Variants in HRH2 observed in about 807,000 individuals in gnomAD.
The protein encoded by HRH2 is histamine H2 receptor.
In HRH2, 4 loss-of-function variants were observed where a neutral mutation model predicts 20.1. The observed-to-expected ratio is 0.20, with a 90% CI of 0.10 to 0.45. The LOEUF (loss-of-function observed/expected upper bound fraction) is 0.45. HRH2 is among the 20% of genes least tolerant of loss of function. The pLI is 0.99. For synonymous variants in HRH2, 197 were observed against 200.7 expected, an observed-to-expected ratio of 0.98 and a Z score of 0.16; for missense variants, 250 against 461.6, an observed-to-expected ratio of 0.54 and a Z score of 4.20.
chr5:175,662,998 G>A (rs532190896), intron 1 of HRH2, among the ~76,000 whole-genome samples: 17 of 152,290 alleles, frequency 1.1e-4, no homozygotes, highest in Admixed American at 7.2e-4. Context: ...ATGTATCAGC[G>A]CTTCATGCCT....
intron 2 of HRH2, among the ~76,000 whole-genome samples, chr5:175,690,406 A>G (rs1021056390): frequency 3.3e-5 from 5 of 152,174 alleles, no homozygotes; most frequent in African/African-American, 1.2e-4. Context: ...GATAATCATC[A>G]GGCTTCCACG....
intron 1 of HRH2, among the ~76,000 whole-genome samples, chr5:175,672,448 C>T (rs570029116): frequency 6.6e-6 from 1 of 152,334 alleles, no homozygotes; most frequent in East Asian, 1.9e-4. Flanking sequence ...AGTCACAAAA[C>T]ATCATAAACC....
chr5:175,675,983 CAT>C (rs957294782), intron 1 of HRH2, among the ~76,000 whole-genome samples: 18 of 152,246 alleles, frequency 1.2e-4, no homozygotes, highest in African/African-American at 3.6e-4. Flanking sequence ...CCAGTGTTAA[CAT>C]GTGTAGATGC....
chr5:175,702,449 AC>A (rs1756814836), intron 2 of HRH2, among the ~76,000 whole-genome samples: 1 of 152,120 alleles, frequency 6.6e-6, no homozygotes, highest in Non-Finnish European at 1.5e-5. Flanking sequence ...AATATAAAGA[AC>A]ATAATTTTTG....
chr5:175,694,587 T>C (rs1581453957), intron 2 of HRH2, among the ~76,000 whole-genome samples: 1 of 152,154 alleles, frequency 6.6e-6, no homozygotes, highest in Admixed American at 6.5e-5. Context: ...AGGCTCACCG[T>C]AGGCTCTGCG....
intron 2 of HRH2, among the ~76,000 whole-genome samples, chr5:175,694,936 A>G (rs1756521114): frequency 6.6e-6 from 1 of 152,104 alleles, no homozygotes; most frequent in Non-Finnish European, 1.5e-5. Context: ...GGAACGGCTC[A>G]CGGGGGCTCT....
At chr5:175,672,627 G>A (rs1280493374) in intron 1 of HRH2, among the ~76,000 whole-genome samples, 6 of 152,192 alleles carry the variant, frequency 3.9e-5, no homozygotes, top group Non-Finnish European at 4.4e-5. Context: ...TTTCAAGTGC[G>A]TTTAGCCAAC....
intron 2 of HRH2, among the ~76,000 whole-genome samples, chr5:175,697,610 A>G (rs928642179): frequency 1.1e-4 from 17 of 152,090 alleles, no homozygotes; most frequent in Admixed American, 7.9e-4. Flanking sequence ...ACCACCCCAC[A>G]CAGTCACAGA....
rs1176445041 is a variant in HRH2 at position 175,693,426 on chromosome 5, A to G, written c.1076+9117A>G. Among the ~76,000 whole-genome samples, 1 of 152,076 alleles carries G rather than the reference A, an allele frequency of 6.6e-6. No individual in the cohort carries two copies. The highest frequency in any genetic ancestry group is 1.5e-5 in the Non-Finnish European group (1 of 68,010). ...AGTGTGCCTGCTTCTCCTGTCTCTG[A>G]TCCATGTAGAAATTTGCAGAAAGTA... is the stretch of plus-strand genomic sequence containing the variant. On this transcript the variant is annotated intron_variant, in intron 2 of 2. Coordinates refer to ENST00000636584, the MANE Select transcript of HRH2 (RefSeq NM_001367711.1). This position sits in a 1 kb window ranked among gnomAD's most constrained non-coding sequence, Gnocchi z 4.4.
intron 1 of HRH2, among the ~76,000 whole-genome samples, chr5:175,665,337 G>A (rs1433006871): frequency 3.3e-5 from 5 of 152,142 alleles, no homozygotes; most frequent in East Asian, 3.9e-4. Flanking sequence ...TAGAGGCAGC[G>A]GGAGAGGGAG....
intron 2 of HRH2, among the ~76,000 whole-genome samples, chr5:175,698,425 G>A (rs915492349): frequency 1.3e-5 from 2 of 152,120 alleles, no homozygotes; most frequent in Admixed American, 6.5e-5. Flanking sequence ...TCTTACCTGC[G>A]TGGAGCCTCA....
chr5:175,690,972 G>A (rs144653082), intron 2 of HRH2, among the ~76,000 whole-genome samples: 30 of 151,976 alleles, frequency 2.0e-4, no homozygotes, highest in African/African-American at 2.7e-4. Flanking sequence ...TTTCCCTCCC[G>A]TCTGTTTCTC....
chr5:175,682,706 C>T lies in HRH2; in HGVS notation c.-525-3C>T, dbSNP rs2113517729. The T allele has an allele frequency of 6.4e-6, 1 of 155,982 alleles. No homozygotes were observed. Among genetic ancestry groups the T allele is most frequent in the Admixed American group, 6.3e-5 (1 of 15,884 alleles). The allele number at this position is 155,982 out of a possible 1,614,324, so 9.7% of individuals were successfully genotyped here. ...GCTTAACATCCAACCTTTGCCTTTT[C>T]AGCTCCTGCCCTCCACTGACTCCAG... On this transcript the variant is annotated splice_region_variant and splice_polypyrimidine_tract_variant and intron_variant, in intron 1 of 2. Coordinates refer to ENST00000636584, the MANE Select transcript of HRH2 (RefSeq NM_001367711.1).
At chr5:175,688,976 C>A (rs1756271886) in intron 2 of HRH2, among the ~76,000 whole-genome samples, 1 of 152,170 alleles carries the variant, frequency 6.6e-6, no homozygotes, top group African/African-American at 2.4e-5. Context: ...CATGCCTGCA[C>A]AGTCCCTGGG....
intron 2 of HRH2, among the ~76,000 whole-genome samples, chr5:175,694,770 C>T (rs1468649295): frequency 6.6e-6 from 1 of 152,150 alleles, no homozygotes; most frequent in African/African-American, 2.4e-5. Flanking sequence ...GCTTTCAGAC[C>T]CCCCAAACTC....
At chr5:175,692,684 T>A (rs1357743512) in intron 2 of HRH2, among the ~76,000 whole-genome samples, 1 of 152,222 alleles carries the variant, frequency 6.6e-6, no homozygotes, top group East Asian at 1.9e-4. Flanking sequence ...TCAGCTGTGC[T>A]ACTGAATTGT....
At chr5:175,665,840 A>G (rs1000230301) in intron 1 of HRH2, among the ~76,000 whole-genome samples, 5 of 152,244 alleles carry the variant, frequency 3.3e-5, no homozygotes, top group African/African-American at 1.2e-4. Flanking sequence ...GAACACCAGG[A>G]ACATGCCAAG....
At chr5:175,706,608 A>ATATG (rs1756948146) in intron 2 of HRH2, among the ~76,000 whole-genome samples, 1 of 152,204 alleles carries the variant, frequency 6.6e-6, no homozygotes, top group Non-Finnish European at 1.5e-5. Context: ...GCTTGGTCAA[A>ATATG]TATGTACACT....
At chr5:175,688,468 C>G (rs1189698742) in intron 2 of HRH2, among the ~76,000 whole-genome samples, 1 of 152,216 alleles carries the variant, frequency 6.6e-6, no homozygotes, top group Admixed American at 6.5e-5. Context: ...GACTTGCCAC[C>G]TGCCAGCACT....
Sources: gnomAD v4.1 joint callset for allele counts (sites outside exome capture counted in the v4.1 genomes callset) on GRCh38, gnomAD v4.1.1 for gene constraint, Gnocchi (gnomAD v3.1) non-coding constraint, MANE v1.5 for transcripts, NCBI Gene and HGNC (gene_info 2026-07-23, HGNC 2026-07-21) for gene names.